Variants in THOC7 observed in about 807,000 individuals in gnomAD.
THOC7 encodes the protein NIF3L1-binding protein 1.
In THOC7, 22 loss-of-function variants were observed where a neutral mutation model predicts 33.1. That is an observed-to-expected ratio of 0.66 (90% CI 0.47 to 0.95). THOC7 has a LOEUF of 0.95. Among genes scored for constraint, THOC7 ranks in the 40% least tolerant of loss-of-function variants. The pLI is 0.00. For synonymous variants in THOC7, 77 were observed against 76.8 expected (o/e 1.00, Z -0.01); for missense variants, 184 against 245.3 (o/e 0.75, Z 1.67).
intron 1 of THOC7, among the ~76,000 whole-genome samples, chr3:63,852,155 A>C (rs1249043395): frequency 6.6e-6 from 1 of 152,236 alleles, no homozygotes; most frequent in Non-Finnish European, 1.5e-5. Flanking sequence ...CTAATTCTGC[A>C]GGCATGCAGA....
At chr3:63,846,174 A>T (rs750734393) in intron 1 of THOC7, 6 of 447,108 alleles carry the variant, frequency 1.3e-5, no homozygotes, top group Non-Finnish European at 2.7e-5. Context: ...TTTACAATCT[A>T]CTACTAAATA....
At chr3:63,844,047 A>G (rs928272726) in intron 1 of THOC7, among the ~76,000 whole-genome samples, 1 of 152,240 alleles carries the variant, frequency 6.6e-6, no homozygotes, top group African/African-American at 2.4e-5. Context: ...CTGTCATTTC[A>G]ACTACATGGA....
chr3:63,838,326 G>T, intron 3 of THOC7, 46 bp downstream of exon 3: 4 of 1,305,426 alleles, frequency 3.1e-6, no homozygotes, highest in Admixed American at 2.4e-5. Context: ...GTTTCCTTTA[G>T]ACCATAAAAA....
At chr3:63,845,413 G>A (rs746430025) in intron 1 of THOC7, among the ~76,000 whole-genome samples, 5 of 152,186 alleles carry the variant, frequency 3.3e-5, no homozygotes, top group Non-Finnish European at 7.3e-5. Flanking sequence ...CCTGAAGAAT[G>A]TGGCTGGACA....
At chr3:63,864,309 T>TG (rs1431232835), upstream of THOC7, among the ~76,000 whole-genome samples, 6 of 129,640 alleles carry the variant, frequency 4.6e-5, no homozygotes, top group Admixed American at 1.5e-4. Context: ...CTCGTTTCCC[T>TG]GGGGGGTGGG....
At chr3:63,859,596 T>C (rs764209282) in intron 1 of THOC7, among the ~76,000 whole-genome samples, 27 of 152,362 alleles carry the variant, frequency 1.8e-4, no homozygotes, top group Non-Finnish European at 3.2e-4. Context: ...TTCCATCAAG[T>C]TCATTCTCAG....
Position 63,834,022 on chromosome 3 carries a change from A to T in THOC7, c.*110T>A, listed in dbSNP as rs1005088796. ...GAAATACATTCATACTTAAAAACAG[A>T]GTATTTTACTGCCAAAACTTTAAAT... is the stretch of plus-strand genomic sequence containing the variant. On this transcript the variant is annotated 3_prime_UTR_variant, in exon 8 of 8. Coordinates refer to ENST00000295899, the MANE Select transcript of THOC7 (RefSeq NM_025075.4). The T allele has an allele frequency of 3.3e-5, 32 of 967,868 alleles. No individual in the cohort carries two copies. The Admixed American group carries it at 7.7e-4, about 23-fold the overall frequency. The allele number at this position is 967,868 out of a possible 1,614,324, so 60.0% of individuals were successfully genotyped here. A position where few individuals can be genotyped will look rare whatever the true frequency, so the allele number is the denominator to read the frequency against.
chr3:63,856,749 T>C (rs929771184), intron 1 of THOC7, among the ~76,000 whole-genome samples: 1 of 152,024 alleles, frequency 6.6e-6, no homozygotes, highest in African/African-American at 2.4e-5. Flanking sequence ...GACAGAGTCT[T>C]GCACTGTTGC....
Position 63,838,044 on chromosome 3 carries a change from G to T in THOC7, c.284C>A (p.Ala95Glu). The change falls in exon 4 of 8, where the codon GCA (alanine) becomes GAA (glutamate). Residue 95 changes from alanine (A) to glutamate (E), a missense_variant. Coordinates refer to ENST00000295899, the MANE Select transcript of THOC7 (RefSeq NM_025075.4). ...YKEIECSIAGAHEKIAECKKQ... is the reference protein window; with the variant it reads ...YKEIECSIAGEHEKIAECKKQ... ...TTTGCACTCAGCAATTTTTTCATGT[G>T]CTCCAGCTATGCTACATTCTATATG... 1 of 1,607,476 alleles carries T rather than the reference G, an allele frequency of 6.2e-7. No individual in the cohort carries two copies.
At chr3:63,852,684 T>C (rs562764410) in intron 1 of THOC7, among the ~76,000 whole-genome samples, 1 of 152,274 alleles carries the variant, frequency 6.6e-6, no homozygotes, top group African/African-American at 2.4e-5. Flanking sequence ...CTTGTACATC[T>C]TGCTGGTAGG....
intron 1 of THOC7, among the ~76,000 whole-genome samples, chr3:63,859,926 T>A (rs1480859800): frequency 3.3e-5 from 5 of 152,236 alleles, no homozygotes; most frequent in African/African-American, 4.8e-5. Context: ...TCAAGCCAGA[T>A]CAGCAGAGCT....
chr3:63,858,402 T>TA, intron 1 of THOC7, among the ~76,000 whole-genome samples: 1 of 152,136 alleles, frequency 6.6e-6, no homozygotes, highest in Non-Finnish European at 1.5e-5. Flanking sequence ...GTAGGCATAT[T>TA]AAAAACCATT....
intron 1 of THOC7, among the ~76,000 whole-genome samples, chr3:63,862,347 T>A (rs1302569532): frequency 6.6e-6 from 1 of 152,248 alleles, no homozygotes; most frequent in East Asian, 1.9e-4. Flanking sequence ...ATTGGATAAA[T>A]AATCTTTGTT....
chr3:63,838,071 G>T lies in THOC7; in HGVS notation c.266-9C>A. 1 of 1,582,962 alleles carries T rather than the reference G, an allele frequency of 6.3e-7. No homozygotes were observed. The highest frequency in any genetic ancestry group is 1.9e-5 in the Admixed American group (1 of 51,584). The stretch of plus-strand genomic sequence containing the variant: ...TCCAGCTATGCTACATTCTATATGA[G>T]AAGGTTTTTTAAAAGATAGTTGTAA... On this transcript the variant is annotated splice_polypyrimidine_tract_variant and intron_variant, in intron 3 of 7. Coordinates refer to ENST00000295899, the MANE Select transcript of THOC7 (RefSeq NM_025075.4).
At chr3:63,863,442 G>A (rs1575820675) in intron 1 of THOC7, 1 of 1,119,178 alleles carries the variant, frequency 8.9e-7, no homozygotes, top group South Asian at 4.4e-5. Context: ...CCCTTGCACC[G>A]CTTCTAGCCG....
intron 1 of THOC7, among the ~76,000 whole-genome samples, chr3:63,853,144 CTG>C (rs1702048499): frequency 1.4e-5 from 2 of 141,358 alleles, no homozygotes; most frequent in Non-Finnish European, 3.0e-5. Flanking sequence ...GAATGAGACT[CTG>C]TCTCAAAAAA....
At chr3:63,844,927 C>A in intron 1 of THOC7, 3 of 571,164 alleles carry the variant, frequency 5.3e-6, no homozygotes, top group South Asian at 2.3e-5. Flanking sequence ...GCTATAATAC[C>A]TGAAAATGTG....
At chr3:63,856,031 A>G (rs778243343) in intron 1 of THOC7, among the ~76,000 whole-genome samples, 3 of 152,242 alleles carry the variant, frequency 2.0e-5, no homozygotes, top group Non-Finnish European at 4.4e-5. Context: ...GAATATATCT[A>G]TGCAAATATC....
intron 1 of THOC7, chr3:63,860,824 C>T (rs936447972): frequency 1.3e-5 from 2 of 152,034 alleles, no homozygotes; most frequent in Non-Finnish European, 2.9e-5. Flanking sequence ...ATATAAATAA[C>T]GTATTAAGGG....
Sources: gnomAD v4.1 joint callset for allele counts (sites outside exome capture counted in the v4.1 genomes callset) on GRCh38, gnomAD v4.1.1 for gene constraint, MANE v1.5 for transcripts, NCBI Gene and HGNC (gene_info 2026-07-23, HGNC 2026-07-21) for gene names.